UBQLN1: variants seen among roughly 807,000 people sequenced by gnomAD.
UBQLN1 encodes ubiquilin-1.
In UBQLN1, 13 loss-of-function variants were observed where a neutral mutation model predicts 65.4. That is an observed-to-expected ratio of 0.20 (90% CI 0.13 to 0.32). UBQLN1 has a LOEUF of 0.32. Ranked by LOEUF, UBQLN1 falls within the 10% of genes least tolerant of loss-of-function variation. The pLI, the probability that UBQLN1 is intolerant of heterozygous loss-of-function variation, is 1.00. For synonymous variants in UBQLN1, 267 were observed against 247.8 expected, an observed-to-expected ratio of 1.08 and a Z score of -0.73; for missense variants, 561 against 724.0, an observed-to-expected ratio of 0.77 and a Z score of 2.58.
rs768380142 is a variant in UBQLN1 at position 83,707,605 on chromosome 9, G to A, written c.75C>T (p.Ala25=). 6 of 1,597,806 alleles carry A rather than the reference G, an allele frequency of 3.8e-6. No individual in the cohort carries two copies. Among genetic ancestry groups the A allele is most frequent in the Admixed American group, 1.7e-5 (1 of 57,716 alleles). The change falls in exon 1 of 11, where the codon GCC becomes GCT. Residue 25 remains alanine (A), a synonymous_variant. Transcript: ENST00000376395. ...DSAAGAEGAG[A]PAAAASAEPK... is the part of the protein sequence containing the mutation. ...GCTCCGCGGAGGCAGCGGCCGCGGG[G>A]GCGCCAGCACCTTCGGCTCCGGCGG...
rs1341442255 is a variant in UBQLN1, at chr9:83,707,877, GTCAGGCGCTCGGCAGCCGCCGTGTGT to G, written c.-224_-199del. The G allele has an allele frequency of 1.4e-6, 1 of 734,100 alleles. No individual in the cohort carries two copies. Among genetic ancestry groups the G allele is most frequent in the Non-Finnish European group, 2.0e-6 (1 of 493,944 alleles). The allele number at this position is 734,100 out of a possible 1,614,324, so 45.5% of individuals were successfully genotyped here. A position where few individuals can be genotyped will look rare whatever the true frequency, so the allele number is the denominator to read the frequency against. ...GGTGCAGGCTCTGGCGCAGGCCCGG[GTCAGGCGCTCGGCAGCCGCCGTGTGT>G]TCAGGCGCCGCTCGCTCACACCGAC... On this transcript the variant is annotated 5_prime_UTR_variant, in exon 1 of 11. Transcript: ENST00000376395.
chr9:83,685,646 T>TA (rs576138523), intron 2 of UBQLN1, among the ~76,000 whole-genome samples: 52 of 151,704 alleles, frequency 3.4e-4, no homozygotes, highest in Admixed American at 2.1e-3. Context: ...TCCTTAGACT[T>TA]AAAGAAATAT....
intron 6 of UBQLN1, among the ~76,000 whole-genome samples, chr9:83,673,021 CAG>C (rs1379110412): frequency 6.6e-6 from 1 of 152,186 alleles, no homozygotes; most frequent in Non-Finnish European, 1.5e-5. Context: ...CATTTTAGGT[CAG>C]GAGTTCAAGC....
intron 7 of UBQLN1, chr9:83,668,882 C>A (rs1288436423): frequency 1.5e-5 from 4 of 262,280 alleles, no homozygotes; most frequent in Non-Finnish European, 2.7e-5. Context: ...AGTAGTTTAT[C>A]TTCAAAAGAG....
chr9:83,671,652 G>A (rs1831733447), intron 6 of UBQLN1, among the ~76,000 whole-genome samples: 1 of 152,188 alleles, frequency 6.6e-6, no homozygotes, highest in Admixed American at 6.5e-5. Context: ...CAGATGTGCT[G>A]TCATCCAGGC....
intron 2 of UBQLN1, among the ~76,000 whole-genome samples, chr9:83,685,206 A>G (rs1351993294): frequency 1.3e-5 from 2 of 152,220 alleles, no homozygotes; most frequent in Non-Finnish European, 2.9e-5. Context: ...ACAACAGCAT[A>G]AAAACTTACA....
chr9:83,668,557 C>T (rs1182924434), intron 7 of UBQLN1: 1 of 985,322 alleles, frequency 1.0e-6, no homozygotes, highest in East Asian at 1.1e-4. Context: ...ACCATCGGTA[C>T]TGTCTATAAA....
intron 1 of UBQLN1, among the ~76,000 whole-genome samples, chr9:83,693,027 G>A (rs1020121002): frequency 6.6e-6 from 1 of 152,082 alleles, no homozygotes; most frequent in Non-Finnish European, 1.5e-5. Context: ...GATAGAACGG[G>A]CCTCAAAGTA....
chr9:83,684,190 A>G (rs1486534679), intron 2 of UBQLN1, among the ~76,000 whole-genome samples: 3 of 151,854 alleles, frequency 2.0e-5, no homozygotes, highest in Non-Finnish European at 4.4e-5. Flanking sequence ...AATAATTATT[A>G]CTTTATTTAT....
At chr9:83,669,881 G>A (rs1463832742) in intron 6 of UBQLN1, among the ~76,000 whole-genome samples, 1 of 152,162 alleles carries the variant, frequency 6.6e-6, no homozygotes, top group Non-Finnish European at 1.5e-5. Flanking sequence ...AGTATCAGGA[G>A]CCTGATTACG....
rs868442957 is a variant in UBQLN1, at chr9:83,707,712, C to A, written c.-33G>T. On this transcript the variant is annotated 5_prime_UTR_variant, in exon 1 of 11. Transcript: ENST00000376395. Reference sequence around the variant, plus strand: ...GCGGCGGCGGCGGCGGTGACTCAGGCAAGCAGGAGGGAGCAGGCGAGCAAG... The same window carrying A: ...GCGGCGGCGGCGGCGGTGACTCAGGAAAGCAGGAGGGAGCAGGCGAGCAAG... The A allele has an allele frequency of 6.6e-7, 1 of 1,520,994 alleles. No homozygotes were observed. The highest frequency in any genetic ancestry group is 2.2e-5 in the Admixed American group (1 of 45,180). 94.2% of individuals were successfully genotyped at this position (1,520,994 alleles called of 1,614,324 possible).
intron 7 of UBQLN1, 155 bp from the exon 8 acceptor site, chr9:83,666,588 A>C (rs557215509): frequency 1.8e-5 from 11 of 606,442 alleles, no homozygotes; most frequent in Admixed American, 3.0e-5. Flanking sequence ...GATACTGTCC[A>C]CAAGAGGGAT....
At chr9:83,674,364 G>A (rs1040488464) in intron 6 of UBQLN1, among the ~76,000 whole-genome samples, 6 of 152,022 alleles carry the variant, frequency 3.9e-5, no homozygotes, top group Admixed American at 1.3e-4. Context: ...AAGCACTGCC[G>A]GACCAACCAC....
At chr9:83,707,450 G>A in intron 1 of UBQLN1, 50 bp downstream of exon 1, 1 of 1,546,154 alleles carries the variant, frequency 6.5e-7, no homozygotes, top group Non-Finnish European at 8.7e-7. Flanking sequence ...GGCGGCGGGC[G>A]GAGGTCCTGC....
intron 7 of UBQLN1, chr9:83,667,471 AT>A: frequency 1.0e-6 from 1 of 984,250 alleles, no homozygotes; most frequent in Non-Finnish European, 1.2e-6. Context: ...CTTTTAGTTA[AT>A]TTCAATACAA....
At chr9:83,695,458 G>A (rs1167974379) in intron 1 of UBQLN1, among the ~76,000 whole-genome samples, 1 of 152,114 alleles carries the variant, frequency 6.6e-6, no homozygotes, top group African/African-American at 2.4e-5. Flanking sequence ...TCAGCCTCCC[G>A]AAGTGCTGGA....
chr9:83,698,344 T>A (rs535692362), intron 1 of UBQLN1, among the ~76,000 whole-genome samples: 1 of 152,220 alleles, frequency 6.6e-6, no homozygotes, highest in African/African-American at 2.4e-5. Context: ...TAGCTACATA[T>A]GGCTATTAAG....
At chr9:83,667,504 A>T in intron 7 of UBQLN1, 2 of 985,444 alleles carry the variant, frequency 2.0e-6, no homozygotes, top group Non-Finnish European at 2.4e-6. Flanking sequence ...GATGTCAGAC[A>T]ACCTTTCAGG....
chr9:83,669,884 T>A (rs1831703422), intron 6 of UBQLN1, among the ~76,000 whole-genome samples: 1 of 152,208 alleles, frequency 6.6e-6, no homozygotes, highest in South Asian at 2.1e-4. Flanking sequence ...ATCAGGAGCC[T>A]GATTACGTGG....
Sources: gnomAD v4.1 joint callset for allele counts (sites outside exome capture counted in the v4.1 genomes callset) on GRCh38, gnomAD v4.1.1 for gene constraint, MANE v1.5 for transcripts, NCBI Gene and HGNC (gene_info 2026-07-23, HGNC 2026-07-21) for gene names.